PRKG1: variants seen among roughly 807,000 people sequenced by gnomAD.
PRKG1 encodes protein kinase cGMP-dependent 1.
A neutral mutation model predicts 88.1 loss-of-function variants in PRKG1; 35 were observed. The observed-to-expected ratio is 0.40, with a 90% CI of 0.30 to 0.53. The LOEUF is 0.53. Ranked by LOEUF, PRKG1 falls within the 20% of genes least tolerant of loss-of-function variation. The probability of loss-of-function intolerance (pLI) is 0.59; values close to 1 mark genes in which losing one functional copy is unlikely to be tolerated. For missense variants in PRKG1, 540 were observed against 839.8 expected (o/e 0.64, Z 4.41); for synonymous variants, 303 against 292.5 (o/e 1.04, Z -0.37).
At chr10:51,343,793 C>T (rs989746457) in intron 2 of PRKG1, among the ~76,000 whole-genome samples, 1 of 152,164 alleles carries the variant, frequency 6.6e-6, no homozygotes, top group Non-Finnish European at 1.5e-5. Context: ...CCCCAGATCA[C>T]TCAGCCAGGG....
At chr10:51,932,452 G>A (rs756777608) in intron 5 of PRKG1, among the ~76,000 whole-genome samples, 4 of 152,052 alleles carry the variant, frequency 2.6e-5, no homozygotes, top group Non-Finnish European at 5.9e-5. Flanking sequence ...TGAAGTAAGT[G>A]GTACTAAGAC....
chr10:51,930,462 T>A (rs1373953687), intron 5 of PRKG1, among the ~76,000 whole-genome samples: 1 of 151,650 alleles, frequency 6.6e-6, no homozygotes, highest in Admixed American at 6.6e-5. Context: ...TTGTAGATCT[T>A]TTTTTAATTT....
At chr10:51,941,621 A>G (rs1207692665) in intron 5 of PRKG1, among the ~76,000 whole-genome samples, 3 of 113,644 alleles carry the variant, frequency 2.6e-5, no homozygotes, top group African/African-American at 1.0e-4. Flanking sequence ...ACCCCACAAC[A>G]GTCCCCAGAG....
intron 7 of PRKG1, among the ~76,000 whole-genome samples, chr10:52,091,639 C>G (rs1360618417): frequency 6.6e-6 from 1 of 152,108 alleles, no homozygotes; most frequent in Non-Finnish European, 1.5e-5. Flanking sequence ...CAGTATGGGC[C>G]ATCATGTTGG....
intron 1 of PRKG1, among the ~76,000 whole-genome samples, chr10:51,041,461 C>A (rs1262251782): frequency 2.0e-5 from 3 of 152,218 alleles, no homozygotes; most frequent in Admixed American, 1.3e-4. Context: ...GTCTGAGTCT[C>A]ACCCAAGGCC....
At chr10:50,994,607 C>T (rs747244102) in intron 1 of PRKG1, among the ~76,000 whole-genome samples, 2 of 151,580 alleles carry the variant, frequency 1.3e-5, no homozygotes, top group African/African-American at 2.4e-5. Context: ...AAACAGAATG[C>T]GTTATTGCAA....
intron 1 of PRKG1, among the ~76,000 whole-genome samples, chr10:51,055,385 G>T (rs919275664): frequency 3.3e-5 from 5 of 151,856 alleles, no homozygotes; most frequent in Non-Finnish European, 4.4e-5. Context: ...TTCCTTTCAT[G>T]TACCATTGTA....
chr10:51,658,321 G>A (rs1215331174), intron 3 of PRKG1, among the ~76,000 whole-genome samples: 1 of 152,078 alleles, frequency 6.6e-6, no homozygotes, highest in African/African-American at 2.4e-5. Flanking sequence ...AATGCAGAAA[G>A]AAGGCAGTCA....
chr10:52,126,306 T>TTTA (rs746294725), intron 7 of PRKG1, among the ~76,000 whole-genome samples: 1 of 152,048 alleles, frequency 6.6e-6, no homozygotes, highest in Non-Finnish European at 1.5e-5. Flanking sequence ...TAATTGCTGG[T>TTTA]TTATTATTAT....
intron 8 of PRKG1, among the ~76,000 whole-genome samples, chr10:52,147,190 G>A (rs1285643150): frequency 6.6e-6 from 1 of 152,032 alleles, no homozygotes; most frequent in Non-Finnish European, 1.5e-5. Context: ...AGGCCAACAA[G>A]GTACCTAAAG....
At chr10:51,382,138 G>A (rs1837122978) in intron 2 of PRKG1, among the ~76,000 whole-genome samples, 2 of 151,870 alleles carry the variant, frequency 1.3e-5, no homozygotes, top group South Asian at 4.2e-4. Context: ...TAAGAAAGAT[G>A]GGACTGAGTC....
chr10:51,257,283 T>G (rs187864666), intron 2 of PRKG1, among the ~76,000 whole-genome samples: 1 of 152,188 alleles, frequency 6.6e-6, no homozygotes, highest in African/African-American at 2.4e-5. Flanking sequence ...CAAATGCATT[T>G]TAAGTTTAGC....
intron 4 of PRKG1, among the ~76,000 whole-genome samples, chr10:51,841,967 G>A (rs557573977): frequency 6.6e-6 from 1 of 152,194 alleles, no homozygotes; most frequent in Admixed American, 6.5e-5. Flanking sequence ...ATAGGCATGG[G>A]CCATCGTGTC....
At chr10:51,219,518 G>A (rs1352341871) in intron 2 of PRKG1, among the ~76,000 whole-genome samples, 2 of 151,872 alleles carry the variant, frequency 1.3e-5, no homozygotes, top group Non-Finnish European at 2.9e-5. Context: ...GACCAGCCTG[G>A]CCAACATAGT....
At chr10:52,222,857 C>A (rs1840280628) in intron 9 of PRKG1, among the ~76,000 whole-genome samples, 1 of 152,178 alleles carries the variant, frequency 6.6e-6, no homozygotes, top group Non-Finnish European at 1.5e-5. Context: ...GTTATCCCAA[C>A]TTTGCCTTAC....
intron 1 of PRKG1, among the ~76,000 whole-genome samples, chr10:51,044,261 G>T (rs1843460460): frequency 6.6e-6 from 1 of 152,150 alleles, no homozygotes; most frequent in African/African-American, 2.4e-5. Flanking sequence ...GTGGGTAGAT[G>T]AGCCTAAACT....
intron 3 of PRKG1, among the ~76,000 whole-genome samples, chr10:51,740,517 T>G (rs1213413824): frequency 6.6e-6 from 1 of 152,236 alleles, no homozygotes; most frequent in East Asian, 1.9e-4. Context: ...CAAATCACTT[T>G]AATATCTGGA....
intron 3 of PRKG1, among the ~76,000 whole-genome samples, chr10:51,709,052 G>T (rs751753864): frequency 1.3e-5 from 2 of 152,318 alleles, no homozygotes; most frequent in East Asian, 3.9e-4. Flanking sequence ...GCCAGAGAAA[G>T]TTTGTCCACA....
intron 3 of PRKG1, among the ~76,000 whole-genome samples, chr10:51,608,415 A>C (rs1026851098): frequency 1.3e-5 from 2 of 152,182 alleles, no homozygotes; most frequent in Non-Finnish European, 2.9e-5. Context: ...GTCATGGGAC[A>C]GGGAGTTGAA....
Sources: allele counts gnomAD v4.1 joint callset (sites outside exome capture counted in the v4.1 genomes callset), GRCh38; gene constraint gnomAD v4.1.1; transcripts MANE v1.5; gene names NCBI Gene and HGNC (gene_info 2026-07-23, HGNC 2026-07-21).